Variants in DRC8 observed in about 807,000 individuals in gnomAD.
DRC8 encodes dynein regulatory complex subunit 8.
the DRC8 span, among the ~76,000 whole-genome samples, chr1:245,062,366 G>A: frequency 1.3e-5 from 2 of 152,108 alleles, no homozygotes; most frequent in Admixed American, 1.3e-4. Flanking sequence ...CTGCCTTTTG[G>A]AATATCACAA....
At chr1:245,024,602 C>G in the DRC8 span, among the ~76,000 whole-genome samples, 2 of 146,622 alleles carry the variant, frequency 1.4e-5, no homozygotes, top group African/African-American at 5.1e-5. Context: ...GGCTGGAGTG[C>G]AGTGGCACGA....
the DRC8 span, among the ~76,000 whole-genome samples, chr1:245,100,460 C>T: frequency 2.0e-5 from 3 of 150,728 alleles, no homozygotes; most frequent in African/African-American, 7.4e-5. Flanking sequence ...TCAGTTTTCC[C>T]GTAAATGAAT....
the DRC8 span, among the ~76,000 whole-genome samples, chr1:245,043,680 C>T: frequency 2.0e-5 from 3 of 152,036 alleles, no homozygotes; most frequent in African/African-American, 7.2e-5. Flanking sequence ...GAGTGAGTTG[C>T]TCCTGGCCAC....
At chr1:245,104,675 C>T in the DRC8 span, among the ~76,000 whole-genome samples, 1 of 152,134 alleles carries the variant, frequency 6.6e-6, no homozygotes, top group East Asian at 1.9e-4. Flanking sequence ...CTAGACATCA[C>T]ATCATTTCAC....
chr1:245,120,325 C>T, the DRC8 span, among the ~76,000 whole-genome samples: 15 of 152,302 alleles, frequency 9.8e-5, no homozygotes, highest in Admixed American at 3.9e-4. Context: ...AGGTCCCATA[C>T]GCTCAGTTCC....
chr1:244,997,309 T>C, the DRC8 span, among the ~76,000 whole-genome samples: 1 of 94,542 alleles, frequency 1.1e-5, no homozygotes, highest in East Asian at 4.7e-4. Flanking sequence ...TTACAAATAC[T>C]CTTTTTATAG....
At chr1:244,991,694 C>G in the DRC8 span, among the ~76,000 whole-genome samples, 1 of 152,238 alleles carries the variant, frequency 6.6e-6, no homozygotes, top group South Asian at 2.1e-4. Context: ...TTTGCTATTA[C>G]CACCTTTTTA....
At chr1:244,980,302 G>A in the DRC8 span, among the ~76,000 whole-genome samples, 1 of 151,882 alleles carries the variant, frequency 6.6e-6, no homozygotes. Context: ...AGGTTGCAGT[G>A]AGCCAGGATT....
the DRC8 span, chr1:245,083,564 C>T: frequency 6.3e-7 from 1 of 1,582,994 alleles, no homozygotes; most frequent in Non-Finnish European, 8.6e-7. Context: ...AAAAATTTAT[C>T]ATGTAGAACT....
chr1:245,028,362 T>C, the DRC8 span, among the ~76,000 whole-genome samples: 5 of 152,388 alleles, frequency 3.3e-5, no homozygotes, highest in African/African-American at 1.2e-4. Flanking sequence ...ATGATGCTGC[T>C]GTAATTGTGA....
At chr1:245,028,046 C>G in the DRC8 span, among the ~76,000 whole-genome samples, 8 of 152,030 alleles carry the variant, frequency 5.3e-5, no homozygotes, top group African/African-American at 1.9e-4. Flanking sequence ...TACACGCTAC[C>G]ACACCCAGCT....
At chr1:245,050,271 G>A in the DRC8 span, among the ~76,000 whole-genome samples, 5 of 150,310 alleles carry the variant, frequency 3.3e-5, no homozygotes, top group East Asian at 3.9e-4. Context: ...ACGGATTTTC[G>A]CTCTTGTTAG....
At chr1:245,100,179 G>A in the DRC8 span, among the ~76,000 whole-genome samples, 1 of 152,178 alleles carries the variant, frequency 6.6e-6, no homozygotes, top group Non-Finnish European at 1.5e-5. Flanking sequence ...GAGGTCAGGA[G>A]TTCGAGACCA....
the DRC8 span, among the ~76,000 whole-genome samples, chr1:245,041,580 G>T: frequency 6.6e-6 from 1 of 152,052 alleles, no homozygotes; most frequent in Non-Finnish European, 1.5e-5. Context: ...TATTGTTATG[G>T]GCTGAATTAC....
the DRC8 span, among the ~76,000 whole-genome samples, chr1:245,021,771 G>C: frequency 0.53 from 80,673 of 151,698 alleles, 23,666 homozygotes; most frequent in East Asian, 0.75. Flanking sequence ...ACTCAGACTT[G>C]TTTTGCCCCT....
the DRC8 span, among the ~76,000 whole-genome samples, chr1:245,068,910 T>G: frequency 6.6e-6 from 1 of 152,202 alleles, no homozygotes; most frequent in Non-Finnish European, 1.5e-5. Context: ...GGGAATGATC[T>G]CTCTTCTGTG....
chr1:245,019,751 T>C, the DRC8 span, among the ~76,000 whole-genome samples: 1 of 152,092 alleles, frequency 6.6e-6, no homozygotes, highest in Non-Finnish European at 1.5e-5. Context: ...AAGACCAGCC[T>C]GGCCAACATG....
At chr1:245,083,397 G>A in the DRC8 span, 2 of 1,548,500 alleles carry the variant, frequency 1.3e-6, no homozygotes, top group African/African-American at 2.7e-5. Context: ...TGTAAAGACT[G>A]CGGTAAATAC....
the DRC8 span, among the ~76,000 whole-genome samples, chr1:245,014,909 A>G: frequency 8.9e-4 from 136 of 152,356 alleles, no homozygotes; most frequent in South Asian, 0.012. Context: ...TGCCATATAT[A>G]AAAGAATATG....
Sources: gnomAD v4.1 joint callset for allele counts (sites outside exome capture counted in the v4.1 genomes callset) on GRCh38, gnomAD v4.1.1 for gene constraint, MANE v1.5 for transcripts, NCBI Gene and HGNC (gene_info 2026-07-23, HGNC 2026-07-21) for gene names.